CPS1: variants seen among roughly 807,000 people sequenced by gnomAD.
CPS1 encodes carbamoyl-phosphate synthase 1.
Under a neutral mutation model 174.6 loss-of-function variants are expected in CPS1, and 109 were observed. The observed-to-expected ratio is 0.62, with a 90% CI of 0.53 to 0.73. The LOEUF is 0.73. Ranked by LOEUF, CPS1 falls within the 30% of genes least tolerant of loss-of-function variation. CPS1 has a pLI of 0.00. For missense variants in CPS1, 1,689 were observed against 1,821.9 expected (o/e 0.93, Z 1.33); for synonymous variants, 637 against 632.0 (o/e 1.01, Z -0.12).
intron 13 of CPS1, among the ~76,000 whole-genome samples, chr2:210,598,598 A>T (rs886229963): frequency 1.3e-5 from 2 of 151,950 alleles, no homozygotes; most frequent in Non-Finnish European, 2.9e-5. Context: ...ATGAACGAGG[A>T]TTTAAAAACA....
intron 34 of CPS1, chr2:210,674,631 G>A (rs914388560): frequency 1.2e-4 from 58 of 483,684 alleles, no homozygotes; most frequent in Admixed American, 8.2e-4. Context: ...AACTTACAAA[G>A]ACCAAGTAGA....
intron 1 of CPS1, among the ~76,000 whole-genome samples, chr2:210,558,344 G>A (rs1696987080): frequency 6.6e-6 from 1 of 151,956 alleles, no homozygotes; most frequent in Non-Finnish European, 1.5e-5. Flanking sequence ...AAAGGTTAGT[G>A]GCATTATGTC....
chr2:210,509,299 A>G (rs532581697), intron 1 of CPS1, among the ~76,000 whole-genome samples: 1 of 152,360 alleles, frequency 6.6e-6, no homozygotes, highest in South Asian at 2.1e-4. Context: ...ATCTCAATAG[A>G]TGCAGAAAAG....
In CPS1 at chr2:210,586,697, A is replaced by G. The variant is rs1209292772; in HGVS notation, c.622-1361A>G. On this transcript the variant is annotated intron_variant, in intron 6 of 37. Transcript: ENST00000233072. Reference sequence around the variant, plus strand: ...GTTTGTGTAGAGACCAGCAAAAATGAGCATATCTGTGTTTTTATCTGTGTC... The same window carrying G: ...GTTTGTGTAGAGACCAGCAAAAATGGGCATATCTGTGTTTTTATCTGTGTC... Among the ~76,000 whole-genome samples the G allele has an allele frequency of 2.0e-5, 3 of 152,160 alleles. No individual in the cohort carries two copies. The East Asian group carries it at 5.8e-4, about 29-fold the overall frequency.
chr2:210,637,913 C>T (rs1279818844), intron 22 of CPS1, 70 bp downstream of exon 22: 4 of 1,525,134 alleles, frequency 2.6e-6, no homozygotes, highest in Non-Finnish European at 2.7e-6. Context: ...GGCACCCATT[C>T]AAAAGGCCAT....
chr2:210,489,495 A>G (rs991768630), intron 1 of CPS1, among the ~76,000 whole-genome samples: 18 of 152,164 alleles, frequency 1.2e-4, no homozygotes, highest in Non-Finnish European at 1.9e-4. Flanking sequence ...CCAGAAACAG[A>G]GCTGGTCTAG....
intron 12 of CPS1, 42 bp from the exon 13 acceptor site, chr2:210,595,445 A>G (rs1698452120): frequency 3.6e-6 from 5 of 1,385,042 alleles, no homozygotes; most frequent in African/African-American, 1.4e-5. Flanking sequence ...TATTTCCCCC[A>G]TTTTAGCAGT....
chr2:210,626,408 C>T (rs963192287), intron 21 of CPS1, among the ~76,000 whole-genome samples: 3 of 151,988 alleles, frequency 2.0e-5, no homozygotes, highest in Non-Finnish European at 2.9e-5. Context: ...GGATTGAATT[C>T]ACAAAATTCA....
At chr2:210,575,343 C>T (rs985518021) in intron 2 of CPS1, among the ~76,000 whole-genome samples, 6 of 151,954 alleles carry the variant, frequency 3.9e-5, no homozygotes, top group African/African-American at 1.4e-4. Flanking sequence ...TTTAGCTTAA[C>T]TCATTTTGCA....
In CPS1 at chr2:210,663,122, GGCTCC is replaced by G; in HGVS notation, c.3928_3932del (p.Ala1310HisfsTer11). 1 of 1,612,508 alleles carries G rather than the reference GGCTCC, an allele frequency of 6.2e-7. No individual in the cohort carries two copies. Among genetic ancestry groups the G allele is most frequent in the Non-Finnish European group, 8.5e-7 (1 of 1,179,580 alleles). On this transcript the variant is annotated frameshift_variant and splice_region_variant, in exon 33 of 38. Coordinates refer to ENST00000233072, the MANE Select transcript of CPS1 (RefSeq NM_001875.5). LOFTEE classifies it high-confidence loss of function. ...CTCCCTGTTTTTTTTTTTTCCAACA[GGCTCC>G]CATGTTTTCCTGGCCCCGGTTGAGG...
At chr2:210,554,919 G>A (rs1696859732), upstream of CPS1, among the ~76,000 whole-genome samples, 1 of 151,526 alleles carries the variant, frequency 6.6e-6, no homozygotes, top group African/African-American at 2.4e-5. Flanking sequence ...GACTAAGCCA[G>A]TAAGTACTGC....
Position 210,512,880 on chromosome 2 carries a change from ATATATATATG to A in CPS1, c.3+35115_3+35124del, listed in dbSNP as rs1387471014. Among the ~76,000 whole-genome samples, 119 of 17,556 alleles carry A rather than the reference ATATATATATG, an allele frequency of 6.8e-3. 7 individuals carry two copies. The highest frequency in any genetic ancestry group is 0.012 in the South Asian group (4 of 326). 11.5% of individuals were successfully genotyped at this position (17,556 alleles called of 152,430 possible). On this transcript the variant is annotated intron_variant, in intron 1 of 38. Coordinates refer to the CPS1 transcript ENST00000430249. The stretch of plus-strand genomic sequence containing the variant: ...TATATATAGATATATATATATAGAG[ATATATATATG>A]GAGATATATATATATGGAGATATAT...
At chr2:210,529,863 A>G (rs1029669425) in intron 1 of CPS1, among the ~76,000 whole-genome samples, 1 of 151,958 alleles carries the variant, frequency 6.6e-6, no homozygotes, top group Admixed American at 6.6e-5. Context: ...GTTCAATTCT[A>G]TTCTATTTCG....
intron 1 of CPS1, among the ~76,000 whole-genome samples, chr2:210,558,087 A>G (rs981089365): frequency 6.6e-6 from 1 of 151,924 alleles, no homozygotes; most frequent in Non-Finnish European, 1.5e-5. Context: ...GAAAAGAGGA[A>G]ATACATATAG....
intron 25 of CPS1, among the ~76,000 whole-genome samples, chr2:210,645,599 A>T (rs966774496): frequency 6.6e-6 from 1 of 152,120 alleles, no homozygotes; most frequent in Non-Finnish European, 1.5e-5. Context: ...GTTCAAGACC[A>T]GCCTGGACCC....
chr2:210,550,555 G>T (rs1005788753), intron 1 of CPS1, among the ~76,000 whole-genome samples: 7 of 151,964 alleles, frequency 4.6e-5, no homozygotes, highest in African/African-American at 1.4e-4. Context: ...AGCAAGGAAG[G>T]CATACCAATG....
At chr2:210,543,470 G>A (rs1242581669) in intron 1 of CPS1, among the ~76,000 whole-genome samples, 1 of 151,810 alleles carries the variant, frequency 6.6e-6, no homozygotes, top group Non-Finnish European at 1.5e-5. Context: ...GTTCCTTCTG[G>A]CTGGGGTGCT....
chr2:210,678,137 T>A lies in CPS1; in HGVS notation c.*152T>A. 1.4e-6 allele frequency: 1 copy of A among 740,138 alleles called. No homozygotes were observed. The highest frequency in any genetic ancestry group is 2.0e-5 in the Admixed American group (1 of 50,568). 45.8% of individuals were successfully genotyped at this position (740,138 alleles called of 1,614,324 possible). The stretch of plus-strand genomic sequence containing the variant: ...CCTTAATATTCTGTGTCTTTTGCAA[T>A]TAAATTGTCAGTCACTTCTTCAAAA... On this transcript the variant is annotated 3_prime_UTR_variant, in exon 38 of 38. Transcript: ENST00000233072.
chr2:210,529,984 A>G (rs1696076585), intron 1 of CPS1, among the ~76,000 whole-genome samples: 1 of 152,022 alleles, frequency 6.6e-6, no homozygotes, highest in Non-Finnish European at 1.5e-5. Flanking sequence ...TCCTGTAGTA[A>G]ATTATAGTGA....
Sources: gnomAD v4.1 joint callset for allele counts (sites outside exome capture counted in the v4.1 genomes callset) on GRCh38, gnomAD v4.1.1 for gene constraint, MANE v1.5 for transcripts, NCBI Gene and HGNC (gene_info 2026-07-23, HGNC 2026-07-21) for gene names.